PATJ: variants seen among roughly 807,000 people sequenced by gnomAD.
PATJ encodes inaD-like protein.
PATJ carries 190 observed loss-of-function variants against 224.9 expected under a neutral mutation model. That is an observed-to-expected ratio of 0.84 (90% CI 0.75 to 0.95). The LOEUF (loss-of-function observed/expected upper bound fraction) is 0.95. PATJ is among the 40% of genes least tolerant of loss of function. The pLI, the probability that PATJ is intolerant of heterozygous loss-of-function variation, is 0.00. For synonymous variants in PATJ, 769 were observed against 820.3 expected (o/e 0.94, Z 1.07); for missense variants, 2,121 against 2,270.3 (o/e 0.93, Z 1.34).
At chr1:62,084,365 G>A in intron 32 of PATJ, 150 bp from the exon 33 acceptor site, 1 of 700,808 alleles carries the variant, frequency 1.4e-6, no homozygotes, top group Non-Finnish European at 2.2e-6. Flanking sequence ...TGAAGAGGCA[G>A]GAATGACCCA....
intron 27 of PATJ, among the ~76,000 whole-genome samples, chr1:61,973,660 C>T (rs1434345758): frequency 6.6e-6 from 1 of 151,894 alleles, no homozygotes; most frequent in Non-Finnish European, 1.5e-5. Flanking sequence ...TAGCCCAACC[C>T]CAGCACATTT....
At chr1:61,964,361 C>T (rs2365735) in intron 27 of PATJ, among the ~76,000 whole-genome samples, 26,644 of 151,930 alleles carry the variant, frequency 0.18, 2,522 homozygotes, top group Non-Finnish European at 0.21. Context: ...GGATTAGAGG[C>T]GTGAACCACT....
Position 62,017,873 on chromosome 1 carries a change from G to A in PATJ, c.3885G>A (p.Leu1295=), listed in dbSNP as rs752855898. The stretch of plus-strand genomic sequence containing the variant: ...CCAAACAGATAAACAATCAGATTCT[G>A]TATGGAAGAAGTCACCAAAATGCAT... ...DELLEINNQI[L]YGRSHQNASA... is the part of the protein sequence containing the mutation. Residue 1295 remains leucine (L), a synonymous_variant, in exon 29 of 44, where the codon CTG becomes CTA. Coordinates refer to ENST00000642238, the MANE Select transcript of PATJ (RefSeq NM_001350145.3). 2.5e-6 allele frequency: 4 copies of A among 1,607,318 alleles called. No individual in the cohort carries two copies. The highest frequency in any genetic ancestry group is 2.7e-5 in the African/African-American group (2 of 74,810).
chr1:62,077,213 C>T (rs139530367), intron 31 of PATJ, among the ~76,000 whole-genome samples: 1,666 of 152,240 alleles, frequency 0.011, 27 homozygotes, highest in African/African-American at 0.038. Context: ...CAGGACTTAG[C>T]CTGTTGGCAC....
At chr1:61,782,915 C>T (rs1254539575) in intron 7 of PATJ, among the ~76,000 whole-genome samples, 4 of 152,240 alleles carry the variant, frequency 2.6e-5, no homozygotes, top group East Asian at 1.9e-4. Flanking sequence ...TCAGGTATAC[C>T]GGAATACCTC....
At chr1:61,964,558 A>C (rs1681800640) in intron 27 of PATJ, among the ~76,000 whole-genome samples, 1 of 151,610 alleles carries the variant, frequency 6.6e-6, no homozygotes, top group African/African-American at 2.4e-5. Context: ...GGAGGCTATG[A>C]TGGGAGGATT....
intron 1 of PATJ, among the ~76,000 whole-genome samples, chr1:61,749,088 T>C (rs184205661): frequency 6.6e-6 from 1 of 151,574 alleles, no homozygotes; most frequent in Non-Finnish European, 1.5e-5. Context: ...GCAATTCTTC[T>C]GCCTCAGCCT....
intron 31 of PATJ, among the ~76,000 whole-genome samples, chr1:62,068,871 T>C (rs981159610): frequency 3.9e-5 from 6 of 152,234 alleles, no homozygotes; most frequent in African/African-American, 1.4e-4. Context: ...TGAAATGAGA[T>C]GACCTTTCTA....
chr1:62,027,865 T>C (rs1007530044), intron 29 of PATJ, among the ~76,000 whole-genome samples: 2 of 152,060 alleles, frequency 1.3e-5, no homozygotes, highest in Non-Finnish European at 2.9e-5. Context: ...ATGGGAGTCT[T>C]TACATATTGT....
intron 28 of PATJ, among the ~76,000 whole-genome samples, chr1:62,000,740 A>G (rs1486406602): frequency 2.0e-5 from 3 of 150,824 alleles, no homozygotes; most frequent in Non-Finnish European, 4.4e-5. Flanking sequence ...GTCAAATGGT[A>G]TTTCTAGTTC....
intron 41 of PATJ, among the ~76,000 whole-genome samples, chr1:62,135,288 G>T (rs991586977): frequency 4.6e-5 from 7 of 151,192 alleles, no homozygotes; most frequent in South Asian, 2.1e-4. Flanking sequence ...AGGCCGAGGT[G>T]GGGGGGATCG....
At chr1:62,101,259 C>CTT (rs916854253) in intron 33 of PATJ, among the ~76,000 whole-genome samples, 105 of 122,642 alleles carry the variant, frequency 8.6e-4, no homozygotes, top group African/African-American at 2.4e-3. Flanking sequence ...CTTTTCTTTT[C>CTT]TTTTTTTTTT....
At position 61,990,231 on chromosome 1, in the gene PATJ, A is replaced by G. The variant is rs1644985943; in HGVS notation, c.3734A>G (p.Asp1245Gly). ...GELHIIELEKDKNGLGLSLAG... is the reference protein window; with the variant it reads ...GELHIIELEKGKNGLGLSLAG... ...CTGCACATTATTGAACTTGAAAAAG[A>G]TAAGAATGGACTTGGACTCAGCCTT... is the stretch of plus-strand genomic sequence containing the variant. The change falls in exon 28 of 44, where the codon GAT becomes GGT. Residue 1245 changes from aspartate to glycine, a missense_variant. Asp to Gly is a moderately conservative substitution (Grantham distance 94). Transcript: ENST00000642238. 1.2e-6 allele frequency: 2 copies of G among 1,613,928 alleles called. No homozygotes were observed. The highest frequency in any genetic ancestry group is 1.1e-5 in the South Asian group (1 of 90,994).
chr1:61,820,536 T>G (rs1657054403), intron 14 of PATJ, among the ~76,000 whole-genome samples: 1 of 151,656 alleles, frequency 6.6e-6, no homozygotes, highest in South Asian at 2.1e-4. Context: ...GAGATGGGGT[T>G]TCTCCATGTT....
chr1:61,820,635 C>A (rs1657072362), intron 14 of PATJ, among the ~76,000 whole-genome samples: 1 of 152,220 alleles, frequency 6.6e-6, no homozygotes, highest in Non-Finnish European at 1.5e-5. Flanking sequence ...AGCTACCACA[C>A]CCGGCCTACA....
intron 10 of PATJ, among the ~76,000 whole-genome samples, chr1:61,796,849 C>T (rs1489952936): frequency 1.4e-5 from 2 of 147,638 alleles, no homozygotes; most frequent in African/African-American, 2.5e-5. Flanking sequence ...TCCTTCCTTC[C>T]GTCTTTCCTT....
At chr1:61,915,695 C>A (rs917645802) in intron 26 of PATJ, among the ~76,000 whole-genome samples, 2 of 142,348 alleles carry the variant, frequency 1.4e-5, no homozygotes, top group Middle Eastern at 3.7e-3. Flanking sequence ...TCTTTTCTTT[C>A]TTTTTTTTTT....
Position 62,019,045 on chromosome 1 carries a change from C to T in PATJ, c.3959+1098C>T, listed in dbSNP as rs143559534. Among the ~76,000 whole-genome samples, 459 of 152,198 alleles carry T rather than the reference C, an allele frequency of 3.0e-3. 3 individuals are homozygous for T. The highest frequency in any genetic ancestry group is 0.014 in the Middle Eastern group (4 of 294). The stretch of plus-strand genomic sequence containing the variant: ...ATCACCTGAGATTAGGAGTTTGAGA[C>T]GAGCCTGGCCAACATGGCGAAACCC... On this transcript the variant is annotated intron_variant, in intron 29 of 43. Transcript: ENST00000642238.
At chr1:61,854,455 C>T (rs1486065956) in intron 17 of PATJ, among the ~76,000 whole-genome samples, 1 of 152,152 alleles carries the variant, frequency 6.6e-6, no homozygotes, top group South Asian at 2.1e-4. Flanking sequence ...AGAGACTCTG[C>T]TCAATCATAA....
Sources: gnomAD v4.1 joint callset for allele counts (sites outside exome capture counted in the v4.1 genomes callset) on GRCh38, gnomAD v4.1.1 for gene constraint, MANE v1.5 for transcripts, NCBI Gene and HGNC (gene_info 2026-07-23, HGNC 2026-07-21) for gene names.